TMC4: variants seen among roughly 807,000 people sequenced by gnomAD.
TMC4 encodes transmembrane channel like 4.
A neutral mutation model predicts 82.0 loss-of-function variants in TMC4; 70 were observed. That is an observed-to-expected ratio of 0.85 (90% CI 0.70 to 1.04). TMC4 has a LOEUF of 1.04. Among genes scored for constraint, TMC4 ranks in the 50% least tolerant of loss-of-function variants. The probability of loss-of-function intolerance (pLI) is 0.00; values close to 1 mark genes in which losing one functional copy is unlikely to be tolerated. For synonymous variants in TMC4, 446 were observed against 406.0 expected (o/e 1.10, Z -1.18); for missense variants, 879 against 899.0 (o/e 0.98, Z 0.28).
chr19:54,165,779 G>A (rs1031719512), intron 5 of TMC4, among the ~76,000 whole-genome samples: 1 of 152,060 alleles, frequency 6.6e-6, no homozygotes, highest in Non-Finnish European at 1.5e-5. Flanking sequence ...ACAGTTCTGG[G>A]GTGCAGGCAC....
chr19:54,172,599 CAGGTT>C, intron 1 of TMC4: 4 of 300,470 alleles, frequency 1.3e-5, no homozygotes, highest in African/African-American at 2.2e-5. Context: ...ACCAGGAAAC[CAGGTT>C]CCCAGCCCCT....
At chr19:54,165,364 C>G in intron 6 of TMC4, 55 bp downstream of exon 6, 1 of 1,517,602 alleles carries the variant, frequency 6.6e-7, no homozygotes, top group Non-Finnish European at 8.9e-7. Flanking sequence ...TGCGTTATCT[C>G]AGCCCGGTCC....
chr19:54,168,877 C>CTT (rs1378195617), intron 3 of TMC4, among the ~76,000 whole-genome samples, 197 bp from the exon 4 acceptor site: 1 of 19,468 alleles, frequency 5.1e-5, no homozygotes, highest in South Asian at 1.2e-3. Context: ...CTTTTCTTTT[C>CTT]TTTTCTTTTC....
Position 54,163,126 on chromosome 19 carries a change from G to A in TMC4, c.1311C>T (p.Val437=). Residue 437 remains valine, a synonymous_variant, in exon 9 of 15, where the codon GTC becomes GTT. Transcript: ENST00000619895. ...TVFLRLASLV[V]LLFSLWNQIT... ...TCTGATTCCAGAGAGAGAAGAGCAG[G>A]ACCACCAGGGAGGCGAGGCGAAGAA... is the stretch of plus-strand genomic sequence containing the variant. 6.2e-7 allele frequency: 1 copy of A among 1,613,952 alleles called. No individual in the cohort carries two copies. The highest frequency in any genetic ancestry group is 8.5e-7 in the Non-Finnish European group (1 of 1,179,972).
chr19:54,162,059 A>C, intron 11 of TMC4, 43 bp downstream of exon 11: 1 of 1,545,758 alleles, frequency 6.5e-7, no homozygotes, highest in Non-Finnish European at 8.8e-7. Context: ...TGCGGGCCCC[A>C]ATACCTCCTG....
Position 54,162,779 on chromosome 19 carries a change from G to A in TMC4, c.1405-9C>T. 1.9e-6 allele frequency: 3 copies of A among 1,612,864 alleles called. No homozygotes were observed. The highest frequency in any genetic ancestry group is 2.5e-6 in the Non-Finnish European group (3 of 1,179,010). ...AGGACAGTCTCCCAGCACTGAAGAAGGAAGAAATATATCAGAAAGAACTCG... is the reference window on the plus strand; with the variant it reads ...AGGACAGTCTCCCAGCACTGAAGAAAGAAGAAATATATCAGAAAGAACTCG... On this transcript the variant is annotated splice_polypyrimidine_tract_variant and intron_variant, in intron 9 of 14. Coordinates refer to ENST00000619895, the MANE Select transcript of TMC4 (RefSeq NM_144686.4).
chr19:54,164,848 C>G (rs2075661846), intron 6 of TMC4: 3 of 577,252 alleles, frequency 5.2e-6, no homozygotes. Flanking sequence ...TCTCAGCACC[C>G]CAGGCCCCGC....
At chr19:54,162,403 G>C (rs79161038) in intron 10 of TMC4, 118 bp from the exon 11 acceptor site, 6 of 759,504 alleles carry the variant, frequency 7.9e-6, no homozygotes, top group East Asian at 3.0e-5. Flanking sequence ...GGGGGGGGGG[G>C]CGGGACTTTC....
At position 54,161,010 on chromosome 19, in the gene TMC4, C is replaced by T; in HGVS notation, c.1841G>A (p.Gly614Asp). ...GATGGACGACTGCCCCCGGAATGGA[C>T]CACACAGCTTAGAAGGCGGGATCCT... ...IFLIPPSKLC[G>D]PFRGQSSIWA... Residue 614 changes from glycine to aspartate, a missense_variant, in exon 13 of 15, where the codon GGT becomes GAT. By Grantham distance (94) the Gly-to-Asp change is moderately conservative. Coordinates refer to ENST00000619895, the MANE Select transcript of TMC4 (RefSeq NM_144686.4). The T allele has an allele frequency of 6.2e-7, 1 of 1,614,136 alleles. No individual in the cohort carries two copies. Among genetic ancestry groups the T allele is most frequent in the South Asian group, 1.1e-5 (1 of 91,082 alleles).
intron 5 of TMC4, among the ~76,000 whole-genome samples, chr19:54,165,945 CAGTG>C (rs762715902): frequency 5.3e-5 from 8 of 152,016 alleles, no homozygotes; most frequent in South Asian, 2.1e-4. Flanking sequence ...GAGAAAAAGA[CAGTG>C]AGAAAGGGGA....
At chr19:54,160,819 G>A (rs896714041) in intron 13 of TMC4, 59 bp downstream of exon 13, 2 of 1,590,824 alleles carry the variant, frequency 1.3e-6, no homozygotes, top group South Asian at 2.2e-5. Flanking sequence ...TTGGACGCAG[G>A]TGGTGGCCCC....
chr19:54,164,683 A>T, intron 6 of TMC4, 82 bp from the exon 7 acceptor site: 2 of 1,565,262 alleles, frequency 1.3e-6, no homozygotes, highest in Non-Finnish European at 8.7e-7. Flanking sequence ...CTCTCCAGAG[A>T]TCCTCCTTAA....
intron 12 of TMC4, 47 bp from the exon 13 acceptor site, chr19:54,161,080 A>C: frequency 6.2e-7 from 1 of 1,610,112 alleles, no homozygotes; most frequent in South Asian, 1.1e-5. Context: ...GAGTCTGAAC[A>C]CTGAATGGGG....
intron 2 of TMC4, among the ~76,000 whole-genome samples, chr19:54,170,265 G>T (rs886547200): frequency 6.6e-5 from 10 of 151,484 alleles, no homozygotes; most frequent in African/African-American, 2.2e-4. Flanking sequence ...GAGCCCAGGT[G>T]TCGGAGGCTG....
chr19:54,164,082 C>A (rs993743608), intron 7 of TMC4, among the ~76,000 whole-genome samples, 195 bp from the exon 8 acceptor site: 11 of 150,398 alleles, frequency 7.3e-5, no homozygotes, highest in African/African-American at 2.7e-4. Flanking sequence ...TCAAGTGATT[C>A]TCCTGCCTCA....
chr19:54,162,324 T>G (rs12978996), intron 10 of TMC4, 39 bp from the exon 11 acceptor site: 107 of 1,242,740 alleles, frequency 8.6e-5, no homozygotes, highest in Admixed American at 4.1e-4. Flanking sequence ...GTCAGGGGAG[T>G]GGCGGCCTGG....
chr19:54,163,356 A>G, intron 8 of TMC4, 197 bp from the exon 9 acceptor site: 1 of 730,892 alleles, frequency 1.4e-6, no homozygotes, highest in African/African-American at 2.0e-5. Flanking sequence ...TGTCACCCGG[A>G]CTGGAGTGCA....
Position 54,163,764 on chromosome 19 carries a change from C to T in TMC4, c.1237G>A (p.Gly413Ser), listed in dbSNP as rs1033510426. 6.2e-7 allele frequency: 1 copy of T among 1,614,046 alleles called. No homozygotes were observed. Residue 413 changes from glycine to serine, a missense_variant, in exon 8 of 15, where the codon GGC (glycine) becomes AGC (serine). Coordinates refer to ENST00000619895, the MANE Select transcript of TMC4 (RefSeq NM_144686.4). ...ACGATCTGGCGACTCCGAGTGTAGC[C>T]CTCCAGTGGAGCAATGAGCTTGAAC... is the stretch of plus-strand genomic sequence containing the variant. ...PVFKLIAPLE[G>S]YTRSRQIVFI...
At chr19:54,165,070 C>CTTTTTT (rs34861271) in intron 6 of TMC4, among the ~76,000 whole-genome samples, 1,464 of 135,968 alleles carry the variant, frequency 0.011, 36 homozygotes, top group East Asian at 0.085. Context: ...AAAAAACAAA[C>CTTTTTT]TTTTTTTTTT....
Sources: allele counts gnomAD v4.1 joint callset (sites outside exome capture counted in the v4.1 genomes callset), GRCh38; gene constraint gnomAD v4.1.1; transcripts MANE v1.5; gene names NCBI Gene and HGNC (gene_info 2026-07-23, HGNC 2026-07-21).